IL31RA: variants seen among roughly 807,000 people sequenced by gnomAD.
IL31RA encodes the protein interleukin-31 receptor subunit alpha.
IL31RA carries 66 observed loss-of-function variants against 83.7 expected under a neutral mutation model. The ratio of observed to expected loss-of-function variants is 0.79; its 90% CI spans 0.65 to 0.97. IL31RA has a LOEUF of 0.97. Ranked by LOEUF, IL31RA falls within the 50% of genes least tolerant of loss-of-function variation. IL31RA has a pLI of 0.00. For missense variants in IL31RA, 798 were observed against 919.4 expected (o/e 0.87, Z 1.71); for synonymous variants, 325 against 329.0 (o/e 0.99, Z 0.13).
intron 2 of IL31RA, among the ~76,000 whole-genome samples, chr5:55,860,346 G>A (rs1170945385): frequency 1.4e-5 from 2 of 144,704 alleles, no homozygotes; most frequent in Non-Finnish European, 3.0e-5. Context: ...TCCAGCCTGG[G>A]CCAGAGCAAG....
the IL31RA span, among the ~76,000 whole-genome samples, chr5:55,842,740 T>C: frequency 6.6e-6 from 1 of 152,228 alleles, no homozygotes; most frequent in African/African-American, 2.4e-5. Flanking sequence ...GCCTGTTCTT[T>C]ACTCAGTTTT....
At chr5:55,842,813 T>C in the IL31RA span, among the ~76,000 whole-genome samples, 1 of 152,208 alleles carries the variant, frequency 6.6e-6, no homozygotes, top group South Asian at 2.1e-4. Context: ...GCGTTGAAAG[T>C]CTGGGCTTCA....
chr5:55,869,667 T>C (rs1212007012), intron 3 of IL31RA, among the ~76,000 whole-genome samples: 1 of 151,998 alleles, frequency 6.6e-6, no homozygotes, highest in Non-Finnish European at 1.5e-5. Context: ...AGAGACAGGG[T>C]TTCACCATGT....
intron 7 of IL31RA, among the ~76,000 whole-genome samples, chr5:55,897,457 C>T (rs572157502): frequency 1.7e-4 from 26 of 152,252 alleles, no homozygotes; most frequent in Non-Finnish European, 2.9e-4. Flanking sequence ...TGGAAGGCAG[C>T]GTAAGTCTCC....
intron 11 of IL31RA, among the ~76,000 whole-genome samples, chr5:55,909,704 T>A (rs989449601): frequency 8.5e-6 from 1 of 118,312 alleles, no homozygotes; most frequent in Non-Finnish European, 1.7e-5. Context: ...CCCATTTGTA[T>A]ATCTTTTTTT....
At chr5:55,880,939 A>G (rs573370312) in intron 4 of IL31RA, among the ~76,000 whole-genome samples, 1 of 152,330 alleles carries the variant, frequency 6.6e-6, no homozygotes, top group South Asian at 2.1e-4. Context: ...GGAAGAAAGA[A>G]TTCAACTGAG....
rs1430063433 is a variant in IL31RA, at chr5:55,899,984, C to A, written c.921C>A (p.Asn307Lys). 6.2e-7 allele frequency: 1 copy of A among 1,614,100 alleles called. No individual in the cohort carries two copies. Among genetic ancestry groups the A allele is most frequent in the Non-Finnish European group, 8.5e-7 (1 of 1,179,900 alleles). Residue 307 changes from asparagine to lysine, a missense_variant, in exon 8 of 15, where the codon AAC (asparagine) becomes AAA (lysine). Coordinates refer to ENST00000652347, the MANE Select transcript of IL31RA (RefSeq NM_139017.7). ...ACATATGGTACTATCCAGAAAGCAA[C>A]ACTAACCTCACAGAAACAATGAACA... ...GYNIWYYPES[N>K]TNLTETMNTT...
In IL31RA at chr5:55,910,701, C is replaced by T. The variant is rs1471133037; in HGVS notation, c.1642+29C>T. On this transcript the variant is annotated intron_variant, in intron 12 of 14. Coordinates refer to ENST00000652347, the MANE Select transcript of IL31RA (RefSeq NM_139017.7). ...AGTATTTCCTTCAAGCCTTAGGTACCTCTCCCTCACGTTTACCTTACATCA... is the reference window on the plus strand; with the variant it reads ...AGTATTTCCTTCAAGCCTTAGGTACTTCTCCCTCACGTTTACCTTACATCA... The T allele has an allele frequency of 4.3e-6, 7 of 1,612,132 alleles. No homozygotes were observed. The South Asian group carries it at 5.5e-5, about 13-fold the overall frequency.
intron 9 of IL31RA, among the ~76,000 whole-genome samples, chr5:55,907,155 A>C (rs999733103): frequency 1.3e-5 from 2 of 152,250 alleles, no homozygotes; most frequent in Non-Finnish European, 2.9e-5. Context: ...AAAAAGCTAA[A>C]TTTAAAAATA....
chr5:55,864,906 C>T (rs996584522), intron 2 of IL31RA, among the ~76,000 whole-genome samples: 11 of 152,148 alleles, frequency 7.2e-5, no homozygotes, highest in Non-Finnish European at 1.6e-4. Context: ...ACTACACACA[C>T]ACCCCATACA....
upstream of IL31RA, among the ~76,000 whole-genome samples, chr5:55,847,354 G>A (rs1056974897): frequency 1.3e-5 from 2 of 151,998 alleles, no homozygotes; most frequent in African/African-American, 2.4e-5. Context: ...CAGCACTTTG[G>A]GAAGCCAAGG....
At chr5:55,915,204 A>G (rs570132685) in intron 14 of IL31RA, among the ~76,000 whole-genome samples, 12 of 152,350 alleles carry the variant, frequency 7.9e-5, no homozygotes, top group African/African-American at 2.9e-4. Context: ...ATGCTGCAGA[A>G]TAAAGACACT....
intron 7 of IL31RA, among the ~76,000 whole-genome samples, chr5:55,897,131 T>C (rs537474069): frequency 1.0e-4 from 14 of 140,540 alleles, no homozygotes; most frequent in Non-Finnish European, 1.7e-4. Flanking sequence ...ATTATAAGCA[T>C]GAGCCACCAT....
rs76791439 is a variant in IL31RA at position 55,872,789 on chromosome 5, C to T, written c.454+338C>T. 4.7e-3 allele frequency among the ~76,000 whole-genome samples: 718 copies of T among 151,858 alleles called. 2 individuals carry two copies. Among genetic ancestry groups the T allele is most frequent in the Admixed American group, 6.8e-3 (104 of 15,224 alleles). ...ACCCCACCCTGCCAATGTCATTGCTCATAAACGAAAAGAGCATAAAATTAT... is the reference window on the plus strand; with the variant it reads ...ACCCCACCCTGCCAATGTCATTGCTTATAAACGAAAAGAGCATAAAATTAT... On this transcript the variant is annotated intron_variant, in intron 4 of 14. Transcript: ENST00000652347.
chr5:55,898,606 TAA>T (rs1206038208), intron 7 of IL31RA, among the ~76,000 whole-genome samples: 2 of 146,916 alleles, frequency 1.4e-5, no homozygotes, highest in African/African-American at 5.0e-5. Context: ...TATGTTATTT[TAA>T]AAAGATTTTA....
the IL31RA span, among the ~76,000 whole-genome samples, chr5:55,845,823 C>T: frequency 1.3e-5 from 2 of 152,188 alleles, no homozygotes; most frequent in Non-Finnish European, 2.9e-5. Flanking sequence ...TACAGCAGGC[C>T]TTGTTAAGAA....
intron 5 of IL31RA, among the ~76,000 whole-genome samples, chr5:55,883,944 T>C (rs895563142): frequency 3.9e-5 from 6 of 152,252 alleles, no homozygotes; most frequent in African/African-American, 1.4e-4. Flanking sequence ...TATAATGCTG[T>C]AGTTTATACA....
At chr5:55,865,186 T>G (rs1745972434) in intron 2 of IL31RA, among the ~76,000 whole-genome samples, 2 of 152,228 alleles carry the variant, frequency 1.3e-5, no homozygotes, top group South Asian at 4.1e-4. Context: ...CTATGTAACA[T>G]GCAGTATTAT....
In IL31RA at chr5:55,921,803, G is replaced by A. The variant is rs1026650225; in HGVS notation, c.*4683G>A. ...ACATTACAGAATGTTCTCTGCCTCC[G>A]TGCTCCTGGGGACATTGACAGACCA... On this transcript the variant is annotated 3_prime_UTR_variant, in exon 15 of 15. Coordinates refer to ENST00000652347, the MANE Select transcript of IL31RA (RefSeq NM_139017.7). 4.6e-5 allele frequency among the ~76,000 whole-genome samples: 7 copies of A among 152,078 alleles called. No individual in the cohort carries two copies. Among genetic ancestry groups the A allele is most frequent in the Admixed American group, 1.3e-4 (2 of 15,268 alleles).
Sources: gnomAD v4.1 joint callset for allele counts (sites outside exome capture counted in the v4.1 genomes callset) on GRCh38, gnomAD v4.1.1 for gene constraint, MANE v1.5 for transcripts, NCBI Gene and HGNC (gene_info 2026-07-23, HGNC 2026-07-21) for gene names.